Variants in RAB11FIP2 observed in about 807,000 individuals in gnomAD.
The protein encoded by RAB11FIP2 is RAB11 family interacting protein 2, also known as rab11 family-interacting protein 2.
In RAB11FIP2, 16 loss-of-function variants were observed where a neutral mutation model predicts 40.9. The ratio of observed to expected loss-of-function variants is 0.39; its 90% CI spans 0.26 to 0.59. The LOEUF is 0.59. Ranked by LOEUF, RAB11FIP2 falls within the 20% of genes least tolerant of loss-of-function variation. The pLI, the probability that RAB11FIP2 is intolerant of heterozygous loss-of-function variation, is 0.53. For missense variants in RAB11FIP2, 532 were observed against 606.2 expected (o/e 0.88, Z 1.28); for synonymous variants, 228 against 213.7 (o/e 1.07, Z -0.58).
At chr10:118,042,629 A>G (rs1846575137) in intron 1 of RAB11FIP2, among the ~76,000 whole-genome samples, 1 of 152,202 alleles carries the variant, frequency 6.6e-6, no homozygotes, top group Non-Finnish European at 1.5e-5. Context: ...CCTGGAAGGC[A>G]GTCTGCCTTG....
rs948120968 is a variant in RAB11FIP2 at position 118,039,344 on chromosome 10, C to T, written c.893G>A (p.Gly298Glu). ...SIVDEGELCFGRQNDPFTNVT... is the reference protein window; with the variant it reads ...SIVDEGELCFERQNDPFTNVT... ...ATTTGTAAATGGGTCATTTTGTCTTCCGAAACACAATTCACCTTCATCCAC... is the reference window on the plus strand; with the variant it reads ...ATTTGTAAATGGGTCATTTTGTCTTTCGAAACACAATTCACCTTCATCCAC... The change falls in exon 3 of 5, where the codon GGA (glycine) becomes GAA (glutamate). Residue 298 changes from glycine (G) to glutamate (E), a missense_variant. Physicochemically the swap from Gly to Glu is moderately conservative, Grantham distance 98. Transcript: ENST00000355624. 9.3e-6 allele frequency: 15 copies of T among 1,613,454 alleles called. No homozygotes were observed. In the African/African-American group the frequency reaches 1.9e-4, roughly 20 times the overall value.
chr10:118,046,360 CT>C lies in RAB11FIP2; in HGVS notation c.-198del. 1.7e-6 allele frequency: 1 copy of C among 586,578 alleles called. No individual in the cohort carries two copies. The highest frequency in any genetic ancestry group is 3.0e-6 in the Non-Finnish European group (1 of 332,010). The allele number at this position is 586,578 out of a possible 1,614,324, so 36.3% of individuals were successfully genotyped here. On this transcript the variant is annotated 5_prime_UTR_variant, in exon 1 of 5. The change abolishes the stop of an existing upstream ORF in the 5' untranslated region. Coordinates refer to ENST00000355624, the MANE Select transcript of RAB11FIP2 (RefSeq NM_014904.3). The stretch of plus-strand genomic sequence containing the variant: ...GGGGCACGGCCGCTCCGGGGGTCCC[CT>C]TTCGTCTGGAGAAACACAGAGGCCC...
In RAB11FIP2 at chr10:118,046,743, GGGAGCGGGT is replaced by G. The variant is rs1305710468; in HGVS notation, c.-589_-581del. Reference sequence around the variant, plus strand: ...CTCGCCTCAGCTCCTCCTCTCGGGCGGGAGCGGGTAGCCAGGGGTGGAGTGGGGGAGGGC... The same window carrying G: ...CTCGCCTCAGCTCCTCCTCTCGGGCGAGCCAGGGGTGGAGTGGGGGAGGGC... On this transcript the variant is annotated 5_prime_UTR_variant, in exon 1 of 5. Transcript: ENST00000355624. 6.6e-6 allele frequency: 1 copy of G among 152,138 alleles called. No homozygotes were observed. Among genetic ancestry groups the G allele is most frequent in the African/African-American group, 2.4e-5 (1 of 41,424 alleles). The allele number at this position is 152,138 out of a possible 1,614,324, so 9.4% of individuals were successfully genotyped here.
chr10:118,045,643 A>C, intron 1 of RAB11FIP2, 168 bp downstream of exon 1: 1 of 574,490 alleles, frequency 1.7e-6, no homozygotes, highest in South Asian at 2.4e-5. Flanking sequence ...AAAATATTTC[A>C]TCACGAGTGC....
At position 118,017,209 on chromosome 10, in the gene RAB11FIP2, C is replaced by T. The variant is rs542894740; in HGVS notation, c.1266-2099G>A. On this transcript the variant is annotated intron_variant, in intron 3 of 4. Coordinates refer to ENST00000355624, the MANE Select transcript of RAB11FIP2 (RefSeq NM_014904.3). ...GTCCTCCTATGATACACAGCCCTAGCCCCATTCCCTGTATACAGATTTACT... is the reference window on the plus strand; with the variant it reads ...GTCCTCCTATGATACACAGCCCTAGTCCCATTCCCTGTATACAGATTTACT... 3.8e-3 allele frequency among the ~76,000 whole-genome samples: 582 copies of T among 152,240 alleles called. 3 individuals carry two copies. Among genetic ancestry groups the T allele is most frequent in the African/African-American group, 0.013 (543 of 41,530 alleles).
Position 118,046,277 on chromosome 10 carries a change from C to T in RAB11FIP2, c.-114G>A. ...AGGACACTTAACGGAAACAGGCAGG[C>T]TCAGGGCTCCCCGACTTCCCTATGG... On this transcript the variant is annotated 5_prime_UTR_variant, in exon 1 of 5. Transcript: ENST00000355624. 1 of 947,920 alleles carries T rather than the reference C, an allele frequency of 1.1e-6. No homozygotes were observed. The highest frequency in any genetic ancestry group is 1.6e-6 in the Non-Finnish European group (1 of 622,442). The allele number at this position is 947,920 out of a possible 1,614,324, so 58.7% of individuals were successfully genotyped here.
At chr10:118,013,479 T>G (rs1228877195) in intron 4 of RAB11FIP2, among the ~76,000 whole-genome samples, 1 of 152,092 alleles carries the variant, frequency 6.6e-6, no homozygotes, top group Non-Finnish European at 1.5e-5. Flanking sequence ...CAAAATACTA[T>G]GTCCAGAGGG....
rs780123467 is a variant in RAB11FIP2 at position 118,005,229 on chromosome 10, A to C, written c.*3769T>G. 1 of 152,678 alleles carries C rather than the reference A, an allele frequency of 6.5e-6. No homozygotes were observed. The highest frequency in any genetic ancestry group is 1.5e-5 in the Non-Finnish European group (1 of 68,050). 9.5% of individuals were successfully genotyped at this position (152,678 alleles called of 1,614,324 possible). ...GGAAGCTTCGAAGACTAACAGGCCC[A>C]CATGTATCATGTATTAGACTTCAAC... On this transcript the variant is annotated 3_prime_UTR_variant, in exon 5 of 5. Transcript: ENST00000355624.
rs768852011 is a variant in RAB11FIP2, at chr10:118,046,027, T to C, written c.137A>G (p.Lys46Arg). 4 of 1,614,120 alleles carry C rather than the reference T, an allele frequency of 2.5e-6. No individual in the cohort carries two copies. In the Admixed American group the frequency reaches 6.7e-5, roughly 27 times the overall value. ...TYTIIQLGKE[K>R]YSTSVAEKTL... ...TTTCTCAGCTACAGAGGTGGAGTAC[T>C]TTTCCTTGCCCAGCTGAATTATAGT... Residue 46 changes from lysine to arginine, a missense_variant, in exon 1 of 5, where the codon AAG becomes AGG. Transcript: ENST00000355624.
chr10:118,021,607 T>A (rs1206018486), intron 3 of RAB11FIP2, among the ~76,000 whole-genome samples: 2 of 152,232 alleles, frequency 1.3e-5, no homozygotes, highest in African/African-American at 4.8e-5. Flanking sequence ...TTCATATTCT[T>A]TAATCTGAAA....
At position 118,040,382 on chromosome 10, in the gene RAB11FIP2, T is replaced by C. The variant is rs1846541363; in HGVS notation, c.537A>G (p.Thr179=). 1.9e-6 allele frequency: 3 copies of C among 1,613,782 alleles called. No individual in the cohort carries two copies. The African/African-American group carries it at 4.0e-5, about 22-fold the overall frequency. The part of the protein sequence containing the change: ...DKMKGRKNDG[T]FSDTSSAIIP... ...TGATTGCAGAAGACGTATCAGAAAA[T>C]GTTCCATCATTTTTTCTACCCTTCA... is the stretch of plus-strand genomic sequence containing the variant. Residue 179 remains threonine (T), a synonymous_variant, in exon 2 of 5, where the codon ACA becomes ACG. Coordinates refer to ENST00000355624, the MANE Select transcript of RAB11FIP2 (RefSeq NM_014904.3).
rs1446675671 is a variant in RAB11FIP2 at position 118,040,104 on chromosome 10, A to G, written c.796+19T>C. The G allele has an allele frequency of 1.3e-6, 2 of 1,598,958 alleles. No individual in the cohort carries two copies. Among genetic ancestry groups the G allele is most frequent in the Non-Finnish European group, 1.7e-6 (2 of 1,168,764 alleles). Reference sequence around the variant, plus strand: ...AAGGGTAGTTCAGACCAATGAGTACACAAGAATGTGACACTTACCACTTTC... The same window carrying G: ...AAGGGTAGTTCAGACCAATGAGTACGCAAGAATGTGACACTTACCACTTTC... On this transcript the variant is annotated intron_variant, in intron 2 of 4. Transcript: ENST00000355624.
rs1846127157 is a variant in RAB11FIP2 at position 118,009,062 on chromosome 10, G to A, written c.1475C>T (p.Thr492Met). ...DNLLVRVMEETPSILRVPYEP... is the reference protein window; with the variant it reads ...DNLLVRVMEEMPSILRVPYEP... ...ATACGGCACTCTGAGAATACTGGGCGTTTCTTCCATTACCCTTACAAGGAG... is the reference window on the plus strand; with the variant it reads ...ATACGGCACTCTGAGAATACTGGGCATTTCTTCCATTACCCTTACAAGGAG... The change falls in exon 5 of 5, where the codon ACG (threonine) becomes ATG (methionine). Residue 492 changes from threonine (T) to methionine (M), a missense_variant. By Grantham distance (81) the Thr-to-Met change is moderately conservative (BLOSUM62 -1). Coordinates refer to ENST00000355624, the MANE Select transcript of RAB11FIP2 (RefSeq NM_014904.3). The A allele has an allele frequency of 1.9e-6, 3 of 1,613,412 alleles. No homozygotes were observed. Among genetic ancestry groups the A allele is most frequent in the Non-Finnish European group, 2.5e-6 (3 of 1,179,602 alleles).
At chr10:118,038,542 T>A (rs1846510621) in intron 3 of RAB11FIP2, among the ~76,000 whole-genome samples, 1 of 152,110 alleles carries the variant, frequency 6.6e-6, no homozygotes, top group Non-Finnish European at 1.5e-5. Flanking sequence ...AAGCCATTAA[T>A]ACTGAAGCTG....
intron 3 of RAB11FIP2, among the ~76,000 whole-genome samples, chr10:118,021,899 T>G (rs544456078): frequency 6.6e-6 from 1 of 152,348 alleles, no homozygotes; most frequent in South Asian, 2.1e-4. Context: ...GGAGATTTCA[T>G]ATTCTCTCAC....
At chr10:118,021,642 T>C (rs932322446) in intron 3 of RAB11FIP2, among the ~76,000 whole-genome samples, 3 of 152,234 alleles carry the variant, frequency 2.0e-5, no homozygotes, top group Admixed American at 6.5e-5. Context: ...CCAATACTCA[T>C]TGCTTCTTTG....
intron 3 of RAB11FIP2, among the ~76,000 whole-genome samples, chr10:118,029,543 T>G (rs1264838322): frequency 2.6e-4 from 39 of 152,162 alleles, no homozygotes. Context: ...ACACACCTTT[T>G]TCTATGAGCA....
chr10:118,028,045 T>C (rs1846366463), intron 3 of RAB11FIP2, among the ~76,000 whole-genome samples: 1 of 152,184 alleles, frequency 6.6e-6, no homozygotes, highest in Non-Finnish European at 1.5e-5. Context: ...TTATAGGTTA[T>C]TTCTTACATA....
chr10:118,041,204 T>G (rs1331192139), intron 1 of RAB11FIP2, among the ~76,000 whole-genome samples: 1 of 150,740 alleles, frequency 6.6e-6, no homozygotes, highest in Non-Finnish European at 1.5e-5. Flanking sequence ...AAAAAATAAG[T>G]AAAATGCAAG....
Sources: allele counts gnomAD v4.1 joint callset (sites outside exome capture counted in the v4.1 genomes callset), GRCh38; gene constraint gnomAD v4.1.1; transcripts MANE v1.5; gene names NCBI Gene and HGNC (gene_info 2026-07-23, HGNC 2026-07-21).